The following MED12L variants were observed in gnomAD, a reference collection of about 807,000 sequenced individuals.
MED12L encodes the protein mediator complex subunit 12L.
MED12L carries 60 observed loss-of-function variants against 281.3 expected under a neutral mutation model. The ratio of observed to expected loss-of-function variants is 0.21; its 90% CI spans 0.17 to 0.26. The LOEUF (loss-of-function observed/expected upper bound fraction) is 0.26, where lower values mean the gene tolerates loss of function less well. MED12L is among the 10% of genes least tolerant of loss of function. The pLI is 1.00. For synonymous variants in MED12L, 974 were observed against 987.2 expected, an observed-to-expected ratio of 0.99 and a Z score of 0.25; for missense variants, 2,146 against 2,680.9, an observed-to-expected ratio of 0.80 and a Z score of 4.41.
chr3:151,143,517 T>C (rs1241452763), intron 5 of MED12L, among the ~76,000 whole-genome samples: 2 of 152,214 alleles, frequency 1.3e-5, no homozygotes, highest in Non-Finnish European at 2.9e-5. Flanking sequence ...TCGTGAAATG[T>C]CTGATGTAAT....
chr3:151,432,120 G>C (rs566471893), intron 44 of MED12L, among the ~76,000 whole-genome samples: 4 of 152,200 alleles, frequency 2.6e-5, no homozygotes, highest in Non-Finnish European at 5.9e-5. Context: ...TGGCCCATGT[G>C]AATGGGGCCT....
rs1475574294 is a variant in MED12L, at chr3:151,270,081, TGAA to T, written c.2250+76418_2250+76420del. 2.7e-5 allele frequency: 6 copies of T among 218,976 alleles called. No individual in the cohort carries two copies. The East Asian group carries it at 8.4e-4, about 31-fold the overall frequency. The allele number at this position is 218,976 out of a possible 1,614,324, so 13.6% of individuals were successfully genotyped here. Reference sequence around the variant, plus strand: ...GGGATAAGGATGAAGATGAAGAAGATGAAGATGATGATGAAAGGGAGGAAAGAA... The same window carrying T: ...GGGATAAGGATGAAGATGAAGAAGATGATGATGATGAAAGGGAGGAAAGAA... On this transcript the variant is annotated intron_variant, in intron 16 of 44. Transcript: ENST00000687756.
Position 151,254,710 on chromosome 3 carries a change from A to G in MED12L, c.2250+61044A>G, listed in dbSNP as rs552634357. ...TTTCGCAGCATAGATGCTTCTTAGC[A>G]TTACAACTCAACAGGCAGAGGAGAT... On this transcript the variant is annotated intron_variant, in intron 16 of 44. Coordinates refer to ENST00000687756, the MANE Select transcript of MED12L (RefSeq NM_001393769.1). Among the ~76,000 whole-genome samples the G allele has an allele frequency of 2.6e-5, 4 of 152,354 alleles. No homozygotes were observed. In the South Asian group the frequency reaches 8.3e-4, roughly 32 times the overall value.
At chr3:151,185,576 G>T in intron 12 of MED12L, 115 bp downstream of exon 12, 2 of 1,153,424 alleles carry the variant, frequency 1.7e-6, no homozygotes, top group South Asian at 1.8e-5. Context: ...AGGAAAAAAG[G>T]GAGGATGTAA....
intron 16 of MED12L, among the ~76,000 whole-genome samples, chr3:151,236,707 T>G (rs1364715266): frequency 6.6e-6 from 1 of 152,262 alleles, no homozygotes; most frequent in African/African-American, 2.4e-5. Context: ...ATTTTAAAAC[T>G]GTATGTAATC....
intron 16 of MED12L, chr3:151,199,268 A>G (rs928147855): frequency 3.1e-6 from 5 of 1,614,130 alleles, no homozygotes; most frequent in Middle Eastern, 1.6e-4. Context: ...ATTCTTCTGT[A>G]TAAAAGCCCA....
intron 39 of MED12L, among the ~76,000 whole-genome samples, chr3:151,398,596 T>G (rs1715274897): frequency 6.6e-6 from 1 of 152,242 alleles, no homozygotes. Context: ...TTATTTGATG[T>G]AATAATTGTT....
Position 151,394,865 on chromosome 3 carries a change from C to A in MED12L, c.5818C>A (p.Gln1940Lys), listed in dbSNP as rs533979398. 6.2e-7 allele frequency: 1 copy of A among 1,613,800 alleles called. No individual in the cohort carries two copies. Among genetic ancestry groups the A allele is most frequent in the Admixed American group, 1.7e-5 (1 of 60,030 alleles). ...LRQAQTRPFQ[Q>K]GQPGDQAALF... The stretch of plus-strand genomic sequence containing the variant: ...GCAAGCCCAGACTCGGCCTTTCCAA[C>A]AGGTTTGTCCAGACCCCAGCAATGG... Residue 1940 changes from glutamine to lysine, a missense_variant and splice_region_variant, in exon 39 of 45, where the codon CAG becomes AAG. Around this residue, in one of 9 missense-constraint regions of MED12L, gnomAD observed 496 missense variants for 512.0 expected, o/e 0.97. Transcript: ENST00000687756.
At chr3:151,152,954 C>G (rs1413755672) in intron 5 of MED12L, among the ~76,000 whole-genome samples, 1 of 152,214 alleles carries the variant, frequency 6.6e-6, no homozygotes, top group Admixed American at 6.5e-5. Context: ...TTCCATTTCT[C>G]TCTTTAATAC....
intron 37 of MED12L, among the ~76,000 whole-genome samples, chr3:151,389,654 A>C (rs1713923080): frequency 6.6e-6 from 1 of 152,208 alleles, no homozygotes; most frequent in African/African-American, 2.4e-5. Context: ...AGTCTTAGCA[A>C]CTGAAGGTGC....
chr3:151,169,036 A>T (rs904753681), intron 11 of MED12L, among the ~76,000 whole-genome samples: 3 of 150,914 alleles, frequency 2.0e-5, no homozygotes, highest in Non-Finnish European at 4.4e-5. Context: ...ATCAAGGTAT[A>T]TATGTATATG....
chr3:151,407,368 T>A (rs1716445976), intron 39 of MED12L, among the ~76,000 whole-genome samples: 1 of 152,220 alleles, frequency 6.6e-6, no homozygotes, highest in South Asian at 2.1e-4. Context: ...AAACTACCTA[T>A]AGATCCCTAG....
chr3:151,338,228 A>G lies in MED12L; in HGVS notation c.2251-11831A>G, dbSNP rs773010680. On this transcript the variant is annotated intron_variant, in intron 16 of 44. Transcript: ENST00000687756. Reference sequence around the variant, plus strand: ...CTTTTGTAATGAGTGTATAACATACAATAACAATTAAGAAATTAATCCAGA... The same window carrying G: ...CTTTTGTAATGAGTGTATAACATACGATAACAATTAAGAAATTAATCCAGA... The G allele has an allele frequency of 6.8e-6, 11 of 1,614,024 alleles. No individual in the cohort carries two copies. The East Asian group carries it at 2.4e-4, about 36-fold the overall frequency.
At chr3:151,420,805 G>A (rs1413363393) in intron 43 of MED12L, among the ~76,000 whole-genome samples, 2 of 152,156 alleles carry the variant, frequency 1.3e-5, no homozygotes, top group Non-Finnish European at 2.9e-5. Flanking sequence ...GTGCTGTGTG[G>A]GATACCATGA....
intron 11 of MED12L, among the ~76,000 whole-genome samples, chr3:151,180,778 G>T (rs1416749000): frequency 6.6e-6 from 1 of 152,052 alleles, no homozygotes; most frequent in Non-Finnish European, 1.5e-5. Context: ...AATTATCAAG[G>T]ACCCAACTCT....
chr3:151,406,067 C>G (rs751913289), intron 39 of MED12L, among the ~76,000 whole-genome samples: 1 of 152,192 alleles, frequency 6.6e-6, no homozygotes, highest in Non-Finnish European at 1.5e-5. Flanking sequence ...TAACAGATAA[C>G]TAAGGTGACC....
chr3:151,368,296 T>A, intron 25 of MED12L, 45 bp downstream of exon 25: 1 of 1,529,142 alleles, frequency 6.5e-7, no homozygotes, highest in Non-Finnish European at 9.1e-7. Flanking sequence ...CATTGGTAGC[T>A]AAAGTTTCTA....
intron 16 of MED12L, among the ~76,000 whole-genome samples, chr3:151,208,156 C>T (rs370344489): frequency 1.8e-4 from 27 of 152,094 alleles, no homozygotes; most frequent in African/African-American, 6.0e-4. Flanking sequence ...ATACTGTTAG[C>T]CAGATATGAA....
At position 151,436,487 on chromosome 3, in the gene MED12L, A is replaced by T; in HGVS notation, c.*3683A>T. On this transcript the variant is annotated 3_prime_UTR_variant, in exon 45 of 45. Coordinates refer to ENST00000687756, the MANE Select transcript of MED12L (RefSeq NM_001393769.1). ...CAAAATAAAAGTGCCTTAAGTTAAA[A>T]GTTTGTTTTGAGATCCATTAAATAA... 2 of 445,410 alleles carry T rather than the reference A, an allele frequency of 4.5e-6. No individual in the cohort carries two copies. Among genetic ancestry groups the T allele is most frequent in the Non-Finnish European group, 3.9e-6 (1 of 254,682 alleles). 27.6% of individuals were successfully genotyped at this position (445,410 alleles called of 1,614,324 possible).
Sources: allele counts gnomAD v4.1 joint callset (sites outside exome capture counted in the v4.1 genomes callset), GRCh38; gene constraint gnomAD v4.1.1; regional missense constraint gnomAD v4.1.1; transcripts MANE v1.5; gene names NCBI Gene and HGNC (gene_info 2026-07-23, HGNC 2026-07-21).